PLA2G4C: variants seen among roughly 807,000 people sequenced by gnomAD.
PLA2G4C encodes cytosolic phospholipase A2 gamma.
A neutral mutation model predicts 73.8 loss-of-function variants in PLA2G4C; 64 were observed. The ratio of observed to expected loss-of-function variants is 0.87; its 90% confidence interval spans 0.71 to 1.07. PLA2G4C has a LOEUF of 1.07. PLA2G4C is among the 50% of genes least tolerant of loss of function. PLA2G4C has a pLI of 0.00. For synonymous variants in PLA2G4C, 254 were observed against 252.1 expected (o/e 1.01, Z -0.07); for missense variants, 622 against 665.4 (o/e 0.93, Z 0.72).
chr19:48,093,786 C>G (rs11564548), intron 7 of PLA2G4C, among the ~76,000 whole-genome samples: 7,894 of 152,228 alleles, frequency 0.052, 250 homozygotes, highest in Non-Finnish European at 0.072. Flanking sequence ...GAGGGAGAGA[C>G]CTGGTGGGAG....
chr19:48,050,075 C>T (rs576971231), intron 16 of PLA2G4C, among the ~76,000 whole-genome samples: 56 of 152,252 alleles, frequency 3.7e-4, no homozygotes, highest in South Asian at 2.1e-3. Flanking sequence ...GTGTGCACTA[C>T]CATGCCCATC....
chr19:48,105,801 TCCC>T (rs2032151158), intron 2 of PLA2G4C, among the ~76,000 whole-genome samples: 1 of 19,840 alleles, frequency 5.0e-5, no homozygotes, highest in Non-Finnish European at 1.0e-4. Flanking sequence ...CCTCCCTCCC[TCCC>T]TCCCTCCCCT....
intron 11 of PLA2G4C, 68 bp downstream of exon 11, chr19:48,077,703 T>C: frequency 8.6e-7 from 1 of 1,168,182 alleles, no homozygotes; most frequent in Non-Finnish European, 1.2e-6. Context: ...TTTAGGACAA[T>C]GGCTGGCTTC....
At chr19:48,073,819 C>T (rs1308615680) in intron 12 of PLA2G4C, among the ~76,000 whole-genome samples, 1 of 151,900 alleles carries the variant, frequency 6.6e-6, no homozygotes, top group African/African-American at 2.4e-5. Flanking sequence ...CACTTCTAAA[C>T]AACCGTATCT....
At chr19:48,096,904 C>T (rs2031597176) in intron 6 of PLA2G4C, 1 of 152,106 alleles carries the variant, frequency 6.6e-6, no homozygotes, top group Admixed American at 6.6e-5. Flanking sequence ...GCCTGTAATC[C>T]CAGCACTTTG....
chr19:48,075,313 AT>A (rs1401651672), intron 11 of PLA2G4C, among the ~76,000 whole-genome samples: 1 of 151,656 alleles, frequency 6.6e-6, no homozygotes, highest in Non-Finnish European at 1.5e-5. Flanking sequence ...CCTCTGGAGT[AT>A]CTGGGACTAC....
At chr19:48,092,142 C>G (rs1039340313) in intron 7 of PLA2G4C, among the ~76,000 whole-genome samples, 1 of 152,004 alleles carries the variant, frequency 6.6e-6, no homozygotes. Context: ...TTCCGCCTCT[C>G]GAGATCAAGA....
At chr19:48,095,327 C>T (rs1414531872) in intron 7 of PLA2G4C, 137 bp downstream of exon 7, 2 of 780,062 alleles carry the variant, frequency 2.6e-6, no homozygotes, top group Non-Finnish European at 4.2e-6. Context: ...CACCATTCCT[C>T]TTTCTGGAAG....
At chr19:48,091,686 T>C (rs1241391442) in intron 7 of PLA2G4C, among the ~76,000 whole-genome samples, 8 of 151,690 alleles carry the variant, frequency 5.3e-5, no homozygotes, top group Non-Finnish European at 8.8e-5. Flanking sequence ...GTCAGGAGTT[T>C]AAAGTCAGCC....
At chr19:48,052,606 C>T (rs1967767918) in intron 16 of PLA2G4C, among the ~76,000 whole-genome samples, 1 of 152,108 alleles carries the variant, frequency 6.6e-6, no homozygotes, top group East Asian at 1.9e-4. Flanking sequence ...TTCTTTACAG[C>T]AGTGTGAAAA....
chr19:48,055,546 C>G (rs1967909558), intron 14 of PLA2G4C, among the ~76,000 whole-genome samples: 2 of 151,912 alleles, frequency 1.3e-5, no homozygotes, highest in African/African-American at 4.8e-5. Context: ...CAAAGGATCT[C>G]TGTAATAGCC....
intron 14 of PLA2G4C, chr19:48,061,675 A>C: frequency 3.3e-6 from 1 of 303,836 alleles, no homozygotes; most frequent in Non-Finnish European, 6.3e-6. Flanking sequence ...ACACCCGGGG[A>C]AGGAGGTGCA....
At chr19:48,104,782 CAAG>C (rs1568455997) in intron 3 of PLA2G4C, 58 bp from the exon 4 acceptor site, 1 of 1,574,832 alleles carries the variant, frequency 6.3e-7, no homozygotes, top group Non-Finnish European at 8.7e-7. Flanking sequence ...GAGGTGGGAA[CAAG>C]AAGAAGGGTA....
chr19:48,076,493 A>T (rs2030166106), intron 11 of PLA2G4C, among the ~76,000 whole-genome samples: 1 of 152,210 alleles, frequency 6.6e-6, no homozygotes, highest in African/African-American at 2.4e-5. Flanking sequence ...CTGTAATCCC[A>T]GCACTTTGGG....
chr19:48,070,257 G>T (rs1381438984), intron 12 of PLA2G4C, among the ~76,000 whole-genome samples: 1 of 152,210 alleles, frequency 6.6e-6, no homozygotes, highest in East Asian at 1.9e-4. Context: ...CACTAGCCTA[G>T]ATGTGGCTGT....
chr19:48,078,416 G>T (rs994169898), intron 10 of PLA2G4C, among the ~76,000 whole-genome samples: 1 of 152,102 alleles, frequency 6.6e-6, no homozygotes, highest in Non-Finnish European at 1.5e-5. Flanking sequence ...CAGTAAAGAG[G>T]AAGTCAAACT....
intron 13 of PLA2G4C, among the ~76,000 whole-genome samples, chr19:48,065,453 TA>T (rs1296039332): frequency 6.6e-6 from 1 of 151,768 alleles, no homozygotes; most frequent in African/African-American, 2.4e-5. Flanking sequence ...CTGTCTCTAC[TA>T]AAAATACAAA....
intron 12 of PLA2G4C, among the ~76,000 whole-genome samples, chr19:48,071,919 G>T (rs1350005071): frequency 1.3e-5 from 2 of 151,918 alleles, no homozygotes; most frequent in Non-Finnish European, 2.9e-5. Context: ...AGCCTGAGGT[G>T]GGCGGATCAC....
intron 12 of PLA2G4C, among the ~76,000 whole-genome samples, chr19:48,068,177 T>C (rs1001353272): frequency 2.0e-5 from 3 of 152,034 alleles, no homozygotes; most frequent in Non-Finnish European, 4.4e-5. Flanking sequence ...TGGTGGCGCA[T>C]GCCTGTAGTC....
Sources: allele counts gnomAD v4.1 joint callset (sites outside exome capture counted in the v4.1 genomes callset), GRCh38; gene constraint gnomAD v4.1.1; transcripts MANE v1.5; gene names NCBI Gene and HGNC (gene_info 2026-07-23, HGNC 2026-07-21).